Variants in RASGEF1A observed in about 807,000 individuals in gnomAD.
RASGEF1A encodes the protein RasGEF domain family member 1A, also known as ras-GEF domain-containing family member 1A.
RASGEF1A carries 18 observed loss-of-function variants against 56.4 expected under a neutral mutation model. That is an observed-to-expected ratio of 0.32 (90% CI 0.22 to 0.47). RASGEF1A has a LOEUF of 0.47. Among genes scored for constraint, RASGEF1A ranks in the 20% least tolerant of loss-of-function variants. The pLI is 1.00. For synonymous variants in RASGEF1A, 245 were observed against 242.6 expected (o/e 1.01, Z -0.09); for missense variants, 422 against 627.1 (o/e 0.67, Z 3.49).
chr10:43,243,418 G>A (rs1840529656), intron 1 of RASGEF1A, among the ~76,000 whole-genome samples: 1 of 147,962 alleles, frequency 6.8e-6, no homozygotes, highest in Non-Finnish European at 1.5e-5. Context: ...ACCCCGCCTG[G>A]GAAGTGAGGG....
intron 1 of RASGEF1A, among the ~76,000 whole-genome samples, chr10:43,249,492 G>T (rs1019963368): frequency 6.6e-6 from 1 of 152,256 alleles, no homozygotes; most frequent in Non-Finnish European, 1.5e-5. Flanking sequence ...CAGTGCTGGT[G>T]ATTTGGCCAG....
chr10:43,227,217 A>G (rs1459694175), intron 1 of RASGEF1A, among the ~76,000 whole-genome samples: 1 of 152,170 alleles, frequency 6.6e-6, no homozygotes, highest in Non-Finnish European at 1.5e-5. Context: ...CTTCCCCTGC[A>G]CTAAGTCAAT....
intron 1 of RASGEF1A, among the ~76,000 whole-genome samples, chr10:43,256,655 C>T (rs1444859800): frequency 3.3e-5 from 5 of 152,170 alleles, no homozygotes; most frequent in Admixed American, 6.5e-5. Context: ...CACAGTCTCC[C>T]GTCCCTGGTT....
At chr10:43,237,901 CTG>C (rs1840451967) in intron 1 of RASGEF1A, among the ~76,000 whole-genome samples, 1 of 152,210 alleles carries the variant, frequency 6.6e-6, no homozygotes, top group Admixed American at 6.5e-5. Flanking sequence ...GAGCCCTGTC[CTG>C]CAGACACTCA....
chr10:43,207,540 TAGAA>T (rs1352081720), intron 1 of RASGEF1A: 1 of 985,214 alleles, frequency 1.0e-6, no homozygotes, highest in Non-Finnish European at 1.2e-6. Flanking sequence ...TTGGAATTCT[TAGAA>T]AGTCTTTGGC....
intron 1 of RASGEF1A, among the ~76,000 whole-genome samples, chr10:43,217,687 A>G (rs1840156046): frequency 6.6e-6 from 1 of 152,238 alleles, no homozygotes; most frequent in South Asian, 2.1e-4. Flanking sequence ...GACTAGAGCC[A>G]GGACTCTGAC....
chr10:43,234,201 G>C (rs938553392), intron 1 of RASGEF1A, among the ~76,000 whole-genome samples: 2 of 152,222 alleles, frequency 1.3e-5, no homozygotes, highest in South Asian at 2.1e-4. Flanking sequence ...ATCACATGAA[G>C]AAAACTGAAG....
chr10:43,216,930 C>A (rs552072508), intron 1 of RASGEF1A, among the ~76,000 whole-genome samples: 2 of 152,266 alleles, frequency 1.3e-5, no homozygotes, highest in South Asian at 2.1e-4. Flanking sequence ...GGCAGCTGCG[C>A]CTCCTTTGCC....
At chr10:43,198,415 G>A (rs189559293) in intron 9 of RASGEF1A, among the ~76,000 whole-genome samples, 289 of 152,342 alleles carry the variant, frequency 1.9e-3, no homozygotes, top group Admixed American at 5.8e-3. Context: ...GAAAGCCACA[G>A]AAGTGTCACT....
intron 1 of RASGEF1A, among the ~76,000 whole-genome samples, chr10:43,217,658 T>G (rs967396748): frequency 1.3e-5 from 2 of 152,230 alleles, no homozygotes; most frequent in African/African-American, 4.8e-5. Flanking sequence ...ATTTCTGAGA[T>G]TCTAGTGCCT....
intron 1 of RASGEF1A, among the ~76,000 whole-genome samples, chr10:43,222,085 G>A (rs1840216414): frequency 6.6e-6 from 1 of 152,154 alleles, no homozygotes; most frequent in Non-Finnish European, 1.5e-5. Flanking sequence ...AGGCTCCGTG[G>A]TACAGCCTAT....
At chr10:43,223,327 T>C (rs1463764724) in intron 1 of RASGEF1A, among the ~76,000 whole-genome samples, 2 of 152,208 alleles carry the variant, frequency 1.3e-5, no homozygotes, top group African/African-American at 2.4e-5. Flanking sequence ...CAATGTACTA[T>C]AGTTGGATAT....
intron 1 of RASGEF1A, among the ~76,000 whole-genome samples, chr10:43,249,308 T>G (rs1041822173): frequency 2.9e-4 from 44 of 152,328 alleles, no homozygotes; most frequent in African/African-American, 1.0e-3. Flanking sequence ...ACCATCTGTA[T>G]GTCCATCCTC....
At chr10:43,212,237 G>A (rs755051662) in intron 1 of RASGEF1A, among the ~76,000 whole-genome samples, 9 of 152,160 alleles carry the variant, frequency 5.9e-5, no homozygotes, top group Non-Finnish European at 1.0e-4. Context: ...AACACATCCC[G>A]GCATCTCTCC....
intron 1 of RASGEF1A, among the ~76,000 whole-genome samples, chr10:43,238,995 G>A (rs1164613339): frequency 9.2e-5 from 14 of 152,206 alleles, no homozygotes; most frequent in Admixed American, 8.5e-4. Context: ...TCTCGAAGAA[G>A]GGGTATTATT....
chr10:43,196,424 C>A lies in RASGEF1A; in HGVS notation c.1421+52G>T. 6.3e-7 allele frequency: 1 copy of A among 1,588,176 alleles called. No individual in the cohort carries two copies. The highest frequency in any genetic ancestry group is 8.6e-7 in the Non-Finnish European group (1 of 1,156,590). On this transcript the variant is annotated intron_variant, in intron 12 of 12. Transcript: ENST00000395810. The surrounding 1 kb of genome is among the most constrained non-coding windows in gnomAD (Gnocchi z 4.6). ...CCAGGAGGGTAACCCTCGTGCCCAC[C>A]CTGAGTCCTCCCTCTTCCTTACAGA...
At chr10:43,205,859 A>T in intron 2 of RASGEF1A, 60 bp downstream of exon 2, 1 of 1,411,130 alleles carries the variant, frequency 7.1e-7, no homozygotes. Context: ...CCCACACCCG[A>T]CATCTCCTGG....
intron 1 of RASGEF1A, among the ~76,000 whole-genome samples, chr10:43,242,837 A>G (rs908380541): frequency 6.6e-5 from 10 of 151,272 alleles, no homozygotes; most frequent in African/African-American, 2.2e-4. Flanking sequence ...TCATTGCTCA[A>G]TGTTGCCCAG....
chr10:43,203,256 GC>G (rs1291371455), intron 3 of RASGEF1A, 41 bp downstream of exon 3: 111 of 1,485,222 alleles, frequency 7.5e-5, no homozygotes, highest in Non-Finnish European at 9.1e-5. Context: ...CTCGCCTCCT[GC>G]CCCCTGCCCC....
Sources: gnomAD v4.1 joint callset for allele counts (sites outside exome capture counted in the v4.1 genomes callset) on GRCh38, gnomAD v4.1.1 for gene constraint, Gnocchi (gnomAD v3.1) non-coding constraint, MANE v1.5 for transcripts, NCBI Gene and HGNC (gene_info 2026-07-23, HGNC 2026-07-21) for gene names.